Variants in RTRAF observed in about 807,000 individuals in gnomAD.
RTRAF encodes the protein RNA transcription, translation and transport factor, also known as tRNA-splicing ligase complex subunit RTRAF.
In RTRAF, 14 loss-of-function variants were observed where a neutral mutation model predicts 34.4. The observed-to-expected ratio is 0.41, with a 90% CI of 0.27 to 0.64. RTRAF has a LOEUF of 0.64. Ranked by LOEUF, RTRAF falls within the 30% of genes least tolerant of loss-of-function variation. The pLI is 0.34. For synonymous variants in RTRAF, 96 were observed against 95.3 expected, an observed-to-expected ratio of 1.01 and a Z score of -0.04; for missense variants, 291 against 288.4, an observed-to-expected ratio of 1.01 and a Z score of -0.06.
At chr14:51,999,520 A>G (rs776056027) in intron 4 of RTRAF, 188 bp from the exon 5 acceptor site, 38 of 495,484 alleles carry the variant, frequency 7.7e-5, no homozygotes, top group Non-Finnish European at 1.3e-4. Context: ...AAACCATTTT[A>G]TCTTACCAAT....
chr14:52,005,746 A>G lies in RTRAF; in HGVS notation c.*1230A>G, dbSNP rs748412616. On this transcript the variant is annotated 3_prime_UTR_variant, in exon 8 of 8. Transcript: ENST00000261700. ...AAAGCATACTTTTTACCTGTTGGGC[A>G]GTAGGGGTAGACTGCAGTTATCCCG... is the stretch of plus-strand genomic sequence containing the variant. 2.5e-6 allele frequency: 4 copies of G among 1,612,498 alleles called. No homozygotes were observed. In the African/African-American group the frequency reaches 4.0e-5, roughly 16 times the overall value.
intron 4 of RTRAF, 45 bp from the exon 5 acceptor site, chr14:51,999,663 C>A: frequency 7.7e-7 from 1 of 1,295,800 alleles, no homozygotes; most frequent in Non-Finnish European, 1.1e-6. Flanking sequence ...TGTAATTATA[C>A]GTTTGCAGGG....
intron 3 of RTRAF, chr14:51,998,183 A>C (rs1239277586): frequency 5.2e-6 from 1 of 190,684 alleles, no homozygotes; most frequent in Non-Finnish European, 1.1e-5. Context: ...AGCACTTAAC[A>C]CAAACTTTAT....
chr14:51,996,439 C>T (rs1361626210), intron 3 of RTRAF, among the ~76,000 whole-genome samples: 2 of 152,012 alleles, frequency 1.3e-5, no homozygotes, highest in East Asian at 1.9e-4. Context: ...TATTTGCGCT[C>T]TACTATTTTT....
intron 6 of RTRAF, among the ~76,000 whole-genome samples, chr14:52,003,272 A>G (rs1009220666): frequency 2.0e-5 from 3 of 152,172 alleles, no homozygotes; most frequent in African/African-American, 7.2e-5. Context: ...AAAGGAAAAA[A>G]AAGTGGAGCC....
At chr14:52,001,958 T>C (rs1890607889) in intron 6 of RTRAF, 92 bp downstream of exon 6, 2 of 1,093,954 alleles carry the variant, frequency 1.8e-6, no homozygotes, top group South Asian at 1.5e-5. Context: ...GTTTAAGATA[T>C]CCATTCTACG....
intron 5 of RTRAF, 43 bp downstream of exon 5, chr14:51,999,839 A>G: frequency 7.2e-7 from 1 of 1,379,580 alleles, no homozygotes; most frequent in Non-Finnish European, 1.0e-6. Context: ...CTGTGCACAT[A>G]GAAAAATGTC....
Position 52,004,648 on chromosome 14 carries a change from C to A in RTRAF, c.*132C>A. ...AAATTGGGTATGTTCTAGAGATTTA[C>A]CACCATTGCTTATTGCTTTTTTCTT... On this transcript the variant is annotated 3_prime_UTR_variant, in exon 8 of 8. Coordinates refer to ENST00000261700, the MANE Select transcript of RTRAF (RefSeq NM_016039.3). 1 of 769,934 alleles carries A rather than the reference C, an allele frequency of 1.3e-6. No individual in the cohort carries two copies. Among genetic ancestry groups the A allele is most frequent in the Non-Finnish European group, 2.0e-6 (1 of 496,408 alleles). 47.7% of individuals were successfully genotyped at this position (769,934 alleles called of 1,614,324 possible).
chr14:52,009,899 A>G lies in RTRAF; in HGVS notation c.*5383A>G, dbSNP rs1890941290. ...CTACTTGGGAGGCTGAGGCAGGAGA[A>G]TTGCTTGAACCCGGGAGATGGAGGT... On this transcript the variant is annotated 3_prime_UTR_variant, in exon 8 of 8. Coordinates refer to ENST00000261700, the MANE Select transcript of RTRAF (RefSeq NM_016039.3). 6.6e-6 allele frequency: 1 copy of G among 152,314 alleles called. No homozygotes were observed. Among genetic ancestry groups the G allele is most frequent in the Non-Finnish European group, 1.5e-5 (1 of 68,152 alleles). The allele number at this position is 152,314 out of a possible 1,614,324, so 9.4% of individuals were successfully genotyped here. A position where few individuals can be genotyped will look rare whatever the true frequency, so the allele number is the denominator to read the frequency against.
chr14:52,005,140 G>GCAAAAATCA lies in RTRAF; in HGVS notation c.*625_*633dup, dbSNP rs1890709905. 5.1e-6 allele frequency: 1 copy of GCAAAAATCA among 196,196 alleles called. No individual in the cohort carries two copies. The highest frequency in any genetic ancestry group is 2.3e-5 in the African/African-American group (1 of 43,094). 12.2% of individuals were successfully genotyped at this position (196,196 alleles called of 1,614,324 possible). A position where few individuals can be genotyped will look rare whatever the true frequency, so the allele number is the denominator to read the frequency against. ...ATTTCTTGGCCAGAAGGAATCCATG[G>GCAAAAATCA]CAAAAATCAGGTTTAGAGTCTTAAA... On this transcript the variant is annotated 3_prime_UTR_variant, in exon 8 of 8. Transcript: ENST00000261700.
intron 6 of RTRAF, among the ~76,000 whole-genome samples, chr14:52,003,118 C>A (rs1266390): frequency 1 from 152,339 of 152,340 alleles, 76,169 homozygotes; most frequent in Middle Eastern, 1. Flanking sequence ...TTAATGCTCC[C>A]AATTTTAATT....
At chr14:51,994,310 C>T (rs986857758) in intron 3 of RTRAF, among the ~76,000 whole-genome samples, 1 of 152,116 alleles carries the variant, frequency 6.6e-6, no homozygotes, top group Non-Finnish European at 1.5e-5. Flanking sequence ...TTTCTTTAAA[C>T]GGGTGTTTTC....
Position 52,008,006 on chromosome 14 carries a change from G to T in RTRAF, c.*3490G>T, listed in dbSNP as rs771636287. Reference sequence around the variant, plus strand: ...ATCAAGATTGTAAAAGAATAGCCATGTAGCCTGTGGTAGGCAGCATCTAAG... The same window carrying T: ...ATCAAGATTGTAAAAGAATAGCCATTTAGCCTGTGGTAGGCAGCATCTAAG... On this transcript the variant is annotated 3_prime_UTR_variant, in exon 8 of 8. Coordinates refer to ENST00000261700, the MANE Select transcript of RTRAF (RefSeq NM_016039.3). 1 of 1,538,992 alleles carries T rather than the reference G, an allele frequency of 6.5e-7. No homozygotes were observed.
At position 52,005,649 on chromosome 14, in the gene RTRAF, G is replaced by A; in HGVS notation, c.*1133G>A. On this transcript the variant is annotated 3_prime_UTR_variant, in exon 8 of 8. Coordinates refer to ENST00000261700, the MANE Select transcript of RTRAF (RefSeq NM_016039.3). Reference sequence around the variant, plus strand: ...GCAGGAAGAAGGCAATGGTGGCAGTGTCACAGGCAGCAGGGGTAATCAAAT... The same window carrying A: ...GCAGGAAGAAGGCAATGGTGGCAGTATCACAGGCAGCAGGGGTAATCAAAT... 1.5e-6 allele frequency: 2 copies of A among 1,362,054 alleles called. No individual in the cohort carries two copies. The highest frequency in any genetic ancestry group is 1.2e-5 in the South Asian group (1 of 85,284). The allele number at this position is 1,362,054 out of a possible 1,614,324, so 84.4% of individuals were successfully genotyped here.
chr14:51,994,035 G>C (rs1741116), intron 3 of RTRAF, among the ~76,000 whole-genome samples: 2 of 152,214 alleles, frequency 1.3e-5, no homozygotes, highest in African/African-American at 4.8e-5. Flanking sequence ...AAGGCTAATT[G>C]ACTGTCTTCT....
At position 52,004,804 on chromosome 14, in the gene RTRAF, A is replaced by G. The variant is rs1160725108; in HGVS notation, c.*288A>G. 3.9e-6 allele frequency: 1 copy of G among 258,502 alleles called. No homozygotes were observed. Among genetic ancestry groups the G allele is most frequent in the Non-Finnish European group, 7.2e-6 (1 of 138,622 alleles). The allele number at this position is 258,502 out of a possible 1,614,324, so 16.0% of individuals were successfully genotyped here. A position where few individuals can be genotyped will look rare whatever the true frequency, so the allele number is the denominator to read the frequency against. ...TAGAGACAATATAGATCCTTAAGTC[A>G]TAGGAAAACTTAAAACACTTTATTG... On this transcript the variant is annotated 3_prime_UTR_variant, in exon 8 of 8. Transcript: ENST00000261700.
rs958016421 is a variant in RTRAF, at chr14:51,989,548, C to G, written c.-92C>G. The G allele has an allele frequency of 4.3e-6, 6 of 1,400,080 alleles. No homozygotes were observed. Among genetic ancestry groups the G allele is most frequent in the East Asian group, 2.7e-5 (1 of 37,264 alleles). 86.7% of individuals were successfully genotyped at this position (1,400,080 alleles called of 1,614,324 possible). A position where few individuals can be genotyped will look rare whatever the true frequency, so the allele number is the denominator to read the frequency against. ...GAGCGACTCAGCGCCTGCCCGCCCTCTCGCCGCGTCGCCGGTGCCTGCGCC... is the reference window on the plus strand; with the variant it reads ...GAGCGACTCAGCGCCTGCCCGCCCTGTCGCCGCGTCGCCGGTGCCTGCGCC... On this transcript the variant is annotated 5_prime_UTR_variant, in exon 1 of 8. Coordinates refer to ENST00000261700, the MANE Select transcript of RTRAF (RefSeq NM_016039.3).
rs1043236389 is a variant in RTRAF, at chr14:52,010,589, C to G, written c.*6073C>G. 10 of 271,666 alleles carry G rather than the reference C, an allele frequency of 3.7e-5. No homozygotes were observed. The highest frequency in any genetic ancestry group is 7.2e-5 in the Non-Finnish European group (10 of 138,948). 16.8% of individuals were successfully genotyped at this position (271,666 alleles called of 1,614,324 possible). On this transcript the variant is annotated 3_prime_UTR_variant, in exon 8 of 8. Coordinates refer to ENST00000261700, the MANE Select transcript of RTRAF (RefSeq NM_016039.3). ...CCTGATCATTTGATTCAGAGTAGCC[C>G]TAGTTCTCACAACACTATCTGAATT... is the stretch of plus-strand genomic sequence containing the variant.
Position 52,004,689 on chromosome 14 carries a change from A to C in RTRAF, c.*173A>C. ...CTTTTTTCTTTAATAAAGTTTAGGA[A>C]AGTAGAATTTTTATTATGTACTGTA... On this transcript the variant is annotated 3_prime_UTR_variant, in exon 8 of 8. Transcript: ENST00000261700. 1 of 605,134 alleles carries C rather than the reference A, an allele frequency of 1.7e-6. No individual in the cohort carries two copies. Among genetic ancestry groups the C allele is most frequent in the African/African-American group, 1.9e-5 (1 of 52,894 alleles). 37.5% of individuals were successfully genotyped at this position (605,134 alleles called of 1,614,324 possible).
Sources: gnomAD v4.1 joint callset for allele counts (sites outside exome capture counted in the v4.1 genomes callset) on GRCh38, gnomAD v4.1.1 for gene constraint, MANE v1.5 for transcripts, NCBI Gene and HGNC (gene_info 2026-07-23, HGNC 2026-07-21) for gene names.